Variants in YIPF7 observed in about 807,000 individuals in gnomAD.
The protein encoded by YIPF7 is Yip1 domain family member 7.
YIPF7 carries 35 observed loss-of-function variants against 27.2 expected under a neutral mutation model. The observed-to-expected ratio is 1.29, with a 90% CI of 0.98 to 1.70. The LOEUF is 1.70. YIPF7 is among the 40% of genes most tolerant of loss of function. The probability of loss-of-function intolerance (pLI) is 0.00; values close to 1 mark genes in which losing one functional copy is unlikely to be tolerated. For synonymous variants in YIPF7, 137 were observed against 110.4 expected, an observed-to-expected ratio of 1.24 and a Z score of -1.51; for missense variants, 358 against 303.7, an observed-to-expected ratio of 1.18 and a Z score of -1.33.
At chr4:44,643,202 G>T (rs1713398054) in intron 2 of YIPF7, among the ~76,000 whole-genome samples, 1 of 152,164 alleles carries the variant, frequency 6.6e-6, no homozygotes, top group African/African-American at 2.4e-5. Flanking sequence ...AGTGGGAACT[G>T]GAGTAAAAGT....
At chr4:44,651,857 T>A (rs1478464370), upstream of YIPF7, among the ~76,000 whole-genome samples, 1 of 152,200 alleles carries the variant, frequency 6.6e-6, no homozygotes, top group African/African-American at 2.4e-5. Context: ...TCTATTAAAC[T>A]CTGAGGTAAG....
At chr4:44,629,239 C>T (rs896463000) in intron 4 of YIPF7, 164 bp downstream of exon 4, 2 of 789,286 alleles carry the variant, frequency 2.5e-6, no homozygotes, top group Non-Finnish European at 3.5e-6. Flanking sequence ...TGTTGCAATG[C>T]ATAATGGTAG....
At chr4:44,649,904 A>G in intron 2 of YIPF7, 81 bp downstream of exon 2, 1 of 769,596 alleles carries the variant, frequency 1.3e-6, no homozygotes, top group Non-Finnish European at 2.1e-6. Flanking sequence ...TAATAACTAC[A>G]ATATATTGAA....
At chr4:44,659,940 C>T (rs943773321) in intron 2 of YIPF7, among the ~76,000 whole-genome samples, 11 of 151,346 alleles carry the variant, frequency 7.3e-5, no homozygotes, top group East Asian at 5.8e-4. Flanking sequence ...GGTGAAACCC[C>T]GTCTCTACTA....
chr4:44,623,683 T>A (rs533588072), intron 5 of YIPF7, among the ~76,000 whole-genome samples: 1 of 152,320 alleles, frequency 6.6e-6, no homozygotes, highest in African/African-American at 2.4e-5. Context: ...CTATTAGGGA[T>A]AATTTCTAGA....
Position 44,622,417 on chromosome 4 carries a change from GA to G in YIPF7, c.767del (p.Phe256SerfsTer23). The G allele has an allele frequency of 6.2e-7, 1 of 1,610,750 alleles. No individual in the cohort carries two copies. The highest frequency in any genetic ancestry group is 8.5e-7 in the Non-Finnish European group (1 of 1,178,630). The stretch of plus-strand genomic sequence containing the variant: ...GAAATGCCATCTCAAACATTCTTTA[GA>G]AAATTGTTAGGAGGGCAAAAAGTCC... ...LYGLFALLTI[F>X] On this transcript the variant is annotated frameshift_variant, in exon 6 of 6. Transcript: ENST00000415895. LOFTEE classifies it high-confidence loss of function.
chr4:44,629,225 T>G, intron 4 of YIPF7, 178 bp downstream of exon 4: 3 of 617,524 alleles, frequency 4.9e-6, no homozygotes, highest in Non-Finnish European at 7.1e-6. Flanking sequence ...TTATACTTTT[T>G]AGCTGTTGCA....
intron 2 of YIPF7, among the ~76,000 whole-genome samples, chr4:44,636,827 A>C (rs975938250): frequency 1.3e-5 from 2 of 152,136 alleles, no homozygotes; most frequent in Non-Finnish European, 2.9e-5. Flanking sequence ...GTAGTGGTCA[A>C]ATTAGAGCTT....
At chr4:44,624,901 G>A in intron 4 of YIPF7, 119 bp from the exon 5 acceptor site, 1 of 920,748 alleles carries the variant, frequency 1.1e-6, no homozygotes. Flanking sequence ...GTCTTTGTAG[G>A]ACTGTCATCA....
Position 44,661,050 on chromosome 4 carries a change from A to G in YIPF7, c.-171-432T>C, listed in dbSNP as rs1714031088. On this transcript the variant is annotated intron_variant, in intron 1 of 2. Coordinates refer to the YIPF7 transcript ENST00000508947. ...AAAAACTAAAGCAGGAACTGTTAAG[A>G]TTCTAAGTGGAATTTAGAGGAAATT... 2.0e-5 allele frequency among the ~76,000 whole-genome samples: 3 copies of G among 152,222 alleles called. No homozygotes were observed. The South Asian group carries it at 6.2e-4, about 32-fold the overall frequency.
At chr4:44,652,726 T>A (rs116965717), upstream of YIPF7, among the ~76,000 whole-genome samples, 81 of 152,314 alleles carry the variant, frequency 5.3e-4, 2 homozygotes, top group East Asian at 0.015. Context: ...AAGAGTTACA[T>A]CTTAGTACTG....
chr4:44,625,551 T>A (rs1174000501), intron 4 of YIPF7, among the ~76,000 whole-genome samples: 1 of 152,186 alleles, frequency 6.6e-6, no homozygotes, highest in African/African-American at 2.4e-5. Flanking sequence ...TAACCACACC[T>A]TATGAAAAGG....
rs990356 is a variant in YIPF7, at chr4:44,622,139, C to A, written c.*275G>T. The A allele has an allele frequency of 0.44, 140,932 of 322,128 alleles. 32,747 individuals carry two copies. The highest frequency in any genetic ancestry group is 0.64 in the African/African-American group (29,839 of 46,288). The allele number at this position is 322,128 out of a possible 1,614,324, so 20.0% of individuals were successfully genotyped here. A position where few individuals can be genotyped will look rare whatever the true frequency, so the allele number is the denominator to read the frequency against. On this transcript the variant is annotated 3_prime_UTR_variant, in exon 6 of 6. Coordinates refer to ENST00000415895, the MANE Select transcript of YIPF7 (RefSeq NM_182592.3). ...ATTTACTTACTTTTCTCAGAAATAC[C>A]TCTATTGAGAAAAGCAGGGTTGATC...
chr4:44,644,845 G>A (rs2109595456), intron 2 of YIPF7, among the ~76,000 whole-genome samples: 1 of 152,250 alleles, frequency 6.6e-6, no homozygotes, highest in South Asian at 2.1e-4. Flanking sequence ...GAGGTGATTG[G>A]ATCATGGAGG....
chr4:44,627,137 A>G (rs1461339335), intron 4 of YIPF7, among the ~76,000 whole-genome samples: 2 of 152,086 alleles, frequency 1.3e-5, no homozygotes, highest in Non-Finnish European at 2.9e-5. Context: ...TATATTGGCC[A>G]TGCATATTGC....
chr4:44,636,226 T>A, intron 2 of YIPF7, 141 bp from the exon 3 acceptor site: 2 of 934,538 alleles, frequency 2.1e-6, no homozygotes, highest in Non-Finnish European at 3.0e-6. Flanking sequence ...ACTTAAAATT[T>A]AACTTTAGTC....
intron 3 of YIPF7, among the ~76,000 whole-genome samples, chr4:44,635,343 C>G (rs190277050): frequency 6.6e-6 from 1 of 152,106 alleles, no homozygotes; most frequent in African/African-American, 2.4e-5. Context: ...ACCTTCAGTT[C>G]CAAGAATGTC....
At chr4:44,656,687 ATAT>A (rs1259016163) in intron 2 of YIPF7, among the ~76,000 whole-genome samples, 1 of 151,740 alleles carries the variant, frequency 6.6e-6, no homozygotes, top group Non-Finnish European at 1.5e-5. Flanking sequence ...CATTCAACAC[ATAT>A]TTTTTTCTAC....
intron 4 of YIPF7, among the ~76,000 whole-genome samples, chr4:44,627,381 T>C (rs550785247): frequency 6.6e-6 from 1 of 152,324 alleles, no homozygotes; most frequent in South Asian, 2.1e-4. Flanking sequence ...AGGAAGAGTA[T>C]GTGACTATGA....
Sources: allele counts gnomAD v4.1 joint callset (sites outside exome capture counted in the v4.1 genomes callset), GRCh38; gene constraint gnomAD v4.1.1; transcripts MANE v1.5; gene names NCBI Gene and HGNC (gene_info 2026-07-23, HGNC 2026-07-21).